Variants in ADRM1 observed in about 807,000 individuals in gnomAD.
ADRM1 encodes the protein proteasomal ubiquitin receptor ADRM1.
In ADRM1, 2 loss-of-function variants were observed where a neutral mutation model predicts 40.1. The ratio of observed to expected loss-of-function variants is 0.05; its 90% confidence interval spans 0.02 to 0.16. The LOEUF (loss-of-function observed/expected upper bound fraction) is 0.16. Ranked by LOEUF, ADRM1 falls within the 10% of genes least tolerant of loss-of-function variation. ADRM1 has a pLI of 1.00. For synonymous variants in ADRM1, 287 were observed against 240.4 expected, an observed-to-expected ratio of 1.19 and a Z score of -1.79; for missense variants, 467 against 552.5, an observed-to-expected ratio of 0.85 and a Z score of 1.55.
chr20:62,308,832 T>C lies in ADRM1; in HGVS notation c.*71T>C. 4 of 1,562,690 alleles carry C rather than the reference T, an allele frequency of 2.6e-6. No individual in the cohort carries two copies. The highest frequency in any genetic ancestry group is 3.5e-6 in the Non-Finnish European group (4 of 1,157,340). On this transcript the variant is annotated 3_prime_UTR_variant, in exon 10 of 10. Coordinates refer to ENST00000253003, the MANE Select transcript of ADRM1 (RefSeq NM_007002.4). ...ACACCCTCACCTCCCACCCACTGAT[T>C]ATTAATAAAGTCTTTTCTTTTACCT...
chr20:62,304,960 TCA>T (rs376346814), intron 3 of ADRM1, among the ~76,000 whole-genome samples: 2 of 152,344 alleles, frequency 1.3e-5, no homozygotes, highest in African/African-American at 4.8e-5. Flanking sequence ...AGCATCCTGC[TCA>T]CACTTTCCAC....
chr20:62,304,765 G>A (rs887383580), intron 3 of ADRM1, among the ~76,000 whole-genome samples, 188 bp downstream of exon 3: 2 of 152,254 alleles, frequency 1.3e-5, no homozygotes, highest in Non-Finnish European at 2.9e-5. Context: ...CCCAGAGTAC[G>A]GAGGCTCCAG....
Position 62,308,354 on chromosome 20 carries a change from G to C in ADRM1, c.1015-14G>C. ...CCGGGTTGGAGCTCAGCCCTCGCCT[G>C]GCTCTTCTTGCAGGCCCTGGGCATG... On this transcript the variant is annotated splice_polypyrimidine_tract_variant and intron_variant, in intron 8 of 9. Transcript: ENST00000253003. The C allele has an allele frequency of 6.3e-7, 1 of 1,589,766 alleles. No individual in the cohort carries two copies. The highest frequency in any genetic ancestry group is 8.6e-7 in the Non-Finnish European group (1 of 1,169,294).
Position 62,307,819 on chromosome 20 carries a change from G to T in ADRM1, c.847G>T (p.Gly283Cys). The T allele has an allele frequency of 6.2e-7, 1 of 1,606,476 alleles. No individual in the cohort carries two copies. The highest frequency in any genetic ancestry group is 8.5e-7 in the Non-Finnish European group (1 of 1,177,384). ...GAACGTACCAGCCGGGCCAGCAGGC[G>T]GCCAGCAAGGTAACGTGTGCTGTCG... ...TMNVPAGPAGGQQVDLASVLT... is the reference protein window; with the variant it reads ...TMNVPAGPAGCQQVDLASVLT... The change falls in exon 7 of 10, where the codon GGC becomes TGC. Residue 283 changes from glycine (G) to cysteine (C), a missense_variant. Transcript: ENST00000253003.
At position 62,308,490 on chromosome 20, in the gene ADRM1, C is replaced by T. The variant is rs768408231; in HGVS notation, c.1117+20C>T. On this transcript the variant is annotated intron_variant, in intron 9 of 9. Transcript: ENST00000253003. ...AGGGCGGTAAGTGGCTGCGCCTGCA[C>T]CTCCAGGCCAGAGCCAGGGGCAGGG... The T allele has an allele frequency of 2.5e-5, 40 of 1,584,318 alleles. No individual in the cohort carries two copies. The South Asian group carries it at 3.9e-4, about 15-fold the overall frequency.
chr20:62,308,642 T>C lies in ADRM1; in HGVS notation c.1118-13T>C. The C allele has an allele frequency of 1.2e-6, 2 of 1,612,850 alleles. No homozygotes were observed. Among genetic ancestry groups the C allele is most frequent in the Non-Finnish European group, 1.7e-6 (2 of 1,179,864 alleles). On this transcript the variant is annotated splice_polypyrimidine_tract_variant and intron_variant, in intron 9 of 9. Coordinates refer to ENST00000253003, the MANE Select transcript of ADRM1 (RefSeq NM_007002.4). The stretch of plus-strand genomic sequence containing the variant: ...AGGGTTAGACACCACCTTGTGTCTT[T>C]AACGTGTTCTAGATGTGGAAGCGTT...
chr20:62,302,988 GGCGCC>G (rs1333801836), upstream of ADRM1: 2 of 152,138 alleles, frequency 1.3e-5, no homozygotes, highest in Non-Finnish European at 2.9e-5. Context: ...GGGCCCGGCA[GGCGCC>G]GAGGAGGAAG....
At position 62,307,782 on chromosome 20, in the gene ADRM1, C is replaced by T. The variant is rs778826640; in HGVS notation, c.810C>T (p.Ile270=). ...TCCAGCTGAGCGACCTCCAGAGCAT[C>T]CTGGCCACGATGAACGTACCAGCCG... ...QPIQLSDLQS[I]LATMNVPAGP... is the part of the protein sequence containing the mutation. Residue 270 remains isoleucine, a synonymous_variant, in exon 7 of 10, where the codon ATC becomes ATT. Transcript: ENST00000253003. 6 of 1,611,370 alleles carry T rather than the reference C, an allele frequency of 3.7e-6. No homozygotes were observed. The African/African-American group carries it at 5.3e-5, about 14-fold the overall frequency.
At chr20:62,306,605 G>C (rs779801398) in intron 4 of ADRM1, 43 bp from the exon 5 acceptor site, 3 of 1,563,968 alleles carry the variant, frequency 1.9e-6, no homozygotes, top group Non-Finnish European at 2.6e-6. Context: ...GGCCCGCGTG[G>C]ATCTGGCTGG....
rs1229615771 is a variant in ADRM1, at chr20:62,308,383, A to G, written c.1030A>G (p.Ser344Gly). 1 of 1,605,348 alleles carries G rather than the reference A, an allele frequency of 6.2e-7. No individual in the cohort carries two copies. Among genetic ancestry groups the G allele is most frequent in the East Asian group, 2.2e-5 (1 of 44,630 alleles). The change falls in exon 9 of 10, where the codon AGC becomes GGC. Residue 344 changes from serine (S) to glycine (G), a missense_variant. Coordinates refer to ENST00000253003, the MANE Select transcript of ADRM1 (RefSeq NM_007002.4). The part of the protein sequence containing the change: ...PQFQQALGMF[S>G]AALASGQLGP... ...CTTCTTGCAGGCCCTGGGCATGTTC[A>G]GCGCAGCCTTGGCCTCGGGGCAGCT... is the stretch of plus-strand genomic sequence containing the variant.
Position 62,308,045 on chromosome 20 carries a change from C to T in ADRM1, c.881C>T (p.Pro294Leu), listed in dbSNP as rs776156417. 41 of 1,611,116 alleles carry T rather than the reference C, an allele frequency of 2.5e-5. No individual in the cohort carries two copies. The highest frequency in any genetic ancestry group is 3.2e-5 in the Non-Finnish European group (38 of 1,179,266). Residue 294 changes from proline to leucine, a missense_variant, in exon 8 of 10, where the codon CCG becomes CTG. By Grantham distance (98) the Pro-to-Leu change is moderately conservative. Coordinates refer to ENST00000253003, the MANE Select transcript of ADRM1 (RefSeq NM_007002.4). ...QQVDLASVLT[P>L]EIMAPILANA... is the part of the protein sequence containing the mutation. ...GTGGACCTGGCCAGTGTGCTGACGCCGGAGATAATGGCTCCCATCCTCGCC... is the reference window on the plus strand; with the variant it reads ...GTGGACCTGGCCAGTGTGCTGACGCTGGAGATAATGGCTCCCATCCTCGCC...
chr20:62,308,423 G>A lies in ADRM1; in HGVS notation c.1070G>A (p.Cys357Tyr), dbSNP rs753158224. Residue 357 changes from cysteine to tyrosine, a missense_variant, in exon 9 of 10, where the codon TGC becomes TAC. Cys to Tyr is a radical substitution (Grantham distance 194, BLOSUM62 -2). This residue lies in a region of ADRM1 where 418 missense variants were observed against 474.6 expected (regional missense o/e 0.88). Transcript: ENST00000253003. ...TCGGGGCAGCTGGGCCCCCTCATGTGCCAGTTCGGTCTGCCTGCAGAGGCT... is the reference window on the plus strand; with the variant it reads ...TCGGGGCAGCTGGGCCCCCTCATGTACCAGTTCGGTCTGCCTGCAGAGGCT... Reference protein sequence around the residue: ...LASGQLGPLMCQFGLPAEAVE... With the variant: ...LASGQLGPLMYQFGLPAEAVE... 9.3e-6 allele frequency: 15 copies of A among 1,609,746 alleles called. No individual in the cohort carries two copies. In the African/African-American group the frequency reaches 1.3e-4, roughly 14 times the overall value.
rs759262763 is a variant in ADRM1 at position 62,303,772 on chromosome 20, C to A, written c.204C>A (p.Asn68Lys). The change falls in exon 2 of 10, where the codon AAC becomes AAA. Residue 68 changes from asparagine (N) to lysine (K), a missense_variant. By Grantham distance (94) the Asn-to-Lys change is moderately conservative (BLOSUM62 0). Transcript: ENST00000253003. Reference sequence around the variant, plus strand: ...GCTGGAAGGACAGGACGTCCGGGAACGTGGAAGACGTGAGTGTCCCTGAGC... The same window carrying A: ...GCTGGAAGGACAGGACGTCCGGGAAAGTGGAAGACGTGAGTGTCCCTGAGC... ...HFCWKDRTSG[N>K]VEDDLIIFPD... 6.8e-6 allele frequency: 11 copies of A among 1,610,318 alleles called. No homozygotes were observed. The East Asian group carries it at 2.5e-4, about 36-fold the overall frequency.
In ADRM1 at chr20:62,308,157, G is replaced by A. The variant is rs781664637; in HGVS notation, c.993G>A (p.Leu331=). The change falls in exon 8 of 10, where the codon CTG becomes CTA. Residue 331 remains leucine (L), a synonymous_variant. Transcript: ENST00000253003. ...CCGCGGATGAGATCCAGAATACCCT[G>A]ACCTCGCCCCAGTTCCAGCAGGTAG... The part of the protein sequence containing the change: ...PQTADEIQNT[L]TSPQFQQALG... The A allele has an allele frequency of 6.2e-7, 1 of 1,605,898 alleles. No homozygotes were observed. Among genetic ancestry groups the A allele is most frequent in the Non-Finnish European group, 8.5e-7 (1 of 1,179,198 alleles).
At position 62,306,661 on chromosome 20, in the gene ADRM1, G is replaced by A. The variant is rs1168959966; in HGVS notation, c.468G>A (p.Leu156=). The A allele has an allele frequency of 3.1e-6, 5 of 1,608,612 alleles. No individual in the cohort carries two copies. The highest frequency in any genetic ancestry group is 1.7e-5 in the Admixed American group (1 of 59,538). Residue 156 remains leucine, a synonymous_variant, in exon 5 of 10, where the codon CTG becomes CTA. Coordinates refer to ENST00000253003, the MANE Select transcript of ADRM1 (RefSeq NM_007002.4). The part of the protein sequence containing the change: ...ELSALGGEGG[L]QSLLGNMSHS... Reference sequence around the variant, plus strand: ...AGTGTTTTCCAGGTGAGGGTGGCCTGCAGAGCCTGCTGGGAAACATGAGCC... The same window carrying A: ...AGTGTTTTCCAGGTGAGGGTGGCCTACAGAGCCTGCTGGGAAACATGAGCC...
rs764186844 is a variant in ADRM1, at chr20:62,307,443, C to T, written c.614C>T (p.Ser205Phe). Residue 205 changes from serine (S) to phenylalanine (F), a missense_variant, in exon 6 of 10, where the codon TCC (serine) becomes TTC (phenylalanine). Coordinates refer to ENST00000253003, the MANE Select transcript of ADRM1 (RefSeq NM_007002.4). ...LGSSGPPGSS[S>F]SSSSRSQSAA... ...AGCAGTGGGCCTCCAGGGAGCAGCT[C>T]CTCCTCCAGGTGAGCCTCATCGCTC... 1.1e-5 allele frequency: 17 copies of T among 1,609,126 alleles called. No homozygotes were observed. The highest frequency in any genetic ancestry group is 4.0e-5 in the African/African-American group (3 of 74,832).
chr20:62,308,560 T>A, intron 9 of ADRM1, 90 bp downstream of exon 9: 4 of 1,561,896 alleles, frequency 2.6e-6, no homozygotes, highest in Non-Finnish European at 3.5e-6. Context: ...GCTGAGGGGG[T>A]AAAGGTCACA....
chr20:62,303,766 C>T lies in ADRM1; in HGVS notation c.198C>T (p.Ser66=). ...ACTTCTGCTGGAAGGACAGGACGTC[C>T]GGGAACGTGGAAGACGTGAGTGTCC... ...LIHFCWKDRT[S]GNVEDDLIIF... The change falls in exon 2 of 10, where the codon TCC becomes TCT. Residue 66 remains serine, a synonymous_variant. Transcript: ENST00000253003. 1.2e-6 allele frequency: 2 copies of T among 1,611,122 alleles called. No homozygotes were observed. Among genetic ancestry groups the T allele is most frequent in the South Asian group, 1.1e-5 (1 of 91,080 alleles).
intron 4 of ADRM1, 163 bp downstream of exon 4, chr20:62,306,483 A>G (rs1477409650): frequency 1.5e-6 from 2 of 1,295,112 alleles, no homozygotes; most frequent in African/African-American, 2.9e-5. Context: ...TCCCACCTTC[A>G]CGGGGTAGGA....
Sources: gnomAD v4.1 joint callset for allele counts (sites outside exome capture counted in the v4.1 genomes callset) on GRCh38, gnomAD v4.1.1 for gene constraint, gnomAD v4.1.1 regional missense constraint, MANE v1.5 for transcripts, NCBI Gene and HGNC (gene_info 2026-07-23, HGNC 2026-07-21) for gene names.